The following DIAPH3 variants were observed in gnomAD, a reference collection of about 807,000 sequenced individuals.
The protein encoded by DIAPH3 is protein diaphanous homolog 3.
DIAPH3 carries 117 observed loss-of-function variants against 144.3 expected under a neutral mutation model. The observed-to-expected ratio is 0.81, with a 90% CI of 0.70 to 0.95. The LOEUF is 0.95. DIAPH3 is among the 40% of genes least tolerant of loss of function. The probability of loss-of-function intolerance (pLI) is 0.00; values close to 1 mark genes in which losing one functional copy is unlikely to be tolerated. For missense variants in DIAPH3, 1,421 were observed against 1,412.7 expected (o/e 1.01, Z -0.09); for synonymous variants, 519 against 488.9 (o/e 1.06, Z -0.81).
At chr13:59,988,657 T>A (rs2051596882) in intron 12 of DIAPH3, among the ~76,000 whole-genome samples, 1 of 151,940 alleles carries the variant, frequency 6.6e-6, no homozygotes, top group Admixed American at 6.6e-5. Flanking sequence ...AATATGTGAA[T>A]AACTTAATTA....
chr13:60,032,382 A>G (rs1014407868), intron 5 of DIAPH3, among the ~76,000 whole-genome samples: 17 of 152,272 alleles, frequency 1.1e-4, no homozygotes, highest in African/African-American at 3.6e-4. Context: ...GCCAGCCCCT[A>G]CAGCAGTGTT....
intron 7 of DIAPH3, among the ~76,000 whole-genome samples, chr13:60,012,355 G>T (rs993012877): frequency 1.3e-5 from 2 of 152,132 alleles, no homozygotes; most frequent in Non-Finnish European, 2.9e-5. Context: ...TAGTAATAGG[G>T]AAAAGTTTAC....
At chr13:59,817,862 C>A (rs1181927171) in intron 24 of DIAPH3, among the ~76,000 whole-genome samples, 1 of 151,862 alleles carries the variant, frequency 6.6e-6, no homozygotes, top group African/African-American at 2.4e-5. Flanking sequence ...CTGTATCTCC[C>A]TTTCTCCCTT....
In DIAPH3 at chr13:59,839,107, T is replaced by C. The variant is rs993360916; in HGVS notation, c.2862+217A>G. 7 of 435,096 alleles carry C rather than the reference T, an allele frequency of 1.6e-5. No homozygotes were observed. The Admixed American group carries it at 2.5e-4, about 15-fold the overall frequency. 27.0% of individuals were successfully genotyped at this position (435,096 alleles called of 1,614,324 possible). A position where few individuals can be genotyped will look rare whatever the true frequency, so the allele number is the denominator to read the frequency against. On this transcript the variant is annotated intron_variant, in intron 23 of 27. Transcript: ENST00000400324. ...GCCTGGGTTTCAAAAAATAAATAAA[T>C]AAATAAATAAACAAACAGACAGACA...
rs2047495968 is a variant in DIAPH3 at position 59,921,186 on chromosome 13, A to C, written c.2170+3589T>G. ...ACATTGCACCTGGAGGAATTAGAAAAACAAGACAAACTCAACCCAAAATTA... is the reference window on the plus strand; with the variant it reads ...ACATTGCACCTGGAGGAATTAGAAACACAAGACAAACTCAACCCAAAATTA... On this transcript the variant is annotated intron_variant, in intron 18 of 27. Transcript: ENST00000400324. Among the ~76,000 whole-genome samples the C allele has an allele frequency of 2.6e-5, 4 of 151,396 alleles. No individual in the cohort carries two copies. In the South Asian group the frequency reaches 8.3e-4, roughly 31 times the overall value.
chr13:59,773,346 T>A (rs986706963), intron 27 of DIAPH3, among the ~76,000 whole-genome samples: 3 of 152,140 alleles, frequency 2.0e-5, no homozygotes, highest in Non-Finnish European at 4.4e-5. Flanking sequence ...TGGCACAGGT[T>A]TTTCTCTCAG....
At chr13:59,703,983 A>C (rs1456940578) in intron 27 of DIAPH3, among the ~76,000 whole-genome samples, 1 of 152,206 alleles carries the variant, frequency 6.6e-6, no homozygotes, top group Non-Finnish European at 1.5e-5. Flanking sequence ...GCTAAGTTGC[A>C]GTTTTAGCAA....
At chr13:59,754,584 T>C (rs914071493) in intron 27 of DIAPH3, among the ~76,000 whole-genome samples, 1 of 152,148 alleles carries the variant, frequency 6.6e-6, no homozygotes, top group African/African-American at 2.4e-5. Context: ...AAAGCACCCT[T>C]TCCAATTACA....
intron 22 of DIAPH3, among the ~76,000 whole-genome samples, chr13:59,852,630 T>C (rs533083878): frequency 2.0e-5 from 3 of 152,320 alleles, no homozygotes; most frequent in Middle Eastern, 3.4e-3. Context: ...AAAAATGCAT[T>C]GAGCTGTACA....
At chr13:59,860,789 T>C (rs2043531790) in intron 22 of DIAPH3, among the ~76,000 whole-genome samples, 1 of 151,954 alleles carries the variant, frequency 6.6e-6, no homozygotes. Context: ...ATTAAGGTAG[T>C]CAAAAAATTA....
rs2050324107 is a variant in DIAPH3, at chr13:59,970,861, A to G, written c.1950T>C (p.Asn650=). Residue 650 remains asparagine, a synonymous_variant, in exon 16 of 28, where the codon AAT becomes AAC. Transcript: ENST00000400324. ...FKPEISMRRL[N]WLKIRPHEMT... is the part of the protein sequence containing the mutation. ...TATTAATTTCTTTTACCTTTAACCA[A>G]TTCAATCTTCTCATGCTGATTTCAG... 2 of 1,612,518 alleles carry G rather than the reference A, an allele frequency of 1.2e-6. No individual in the cohort carries two copies. Among genetic ancestry groups the G allele is most frequent in the Non-Finnish European group, 1.7e-6 (2 of 1,179,594 alleles).
chr13:59,779,226 C>T (rs896045654), intron 25 of DIAPH3, among the ~76,000 whole-genome samples: 1 of 152,174 alleles, frequency 6.6e-6, no homozygotes, highest in Non-Finnish European at 1.5e-5. Flanking sequence ...AAACAACTTG[C>T]ATTCTAGTCT....
At chr13:60,156,016 G>A (rs1328951354) in intron 1 of DIAPH3, among the ~76,000 whole-genome samples, 1 of 152,146 alleles carries the variant, frequency 6.6e-6, no homozygotes. Context: ...ACCACAAACT[G>A]GCAGCTTAAA....
chr13:59,936,527 A>C (rs1254245325), intron 17 of DIAPH3, among the ~76,000 whole-genome samples: 1 of 152,212 alleles, frequency 6.6e-6, no homozygotes, highest in African/African-American at 2.4e-5. Context: ...ATTAGGGAGA[A>C]AAATAATCCT....
intron 3 of DIAPH3, among the ~76,000 whole-genome samples, chr13:60,098,985 A>G (rs1327722617): frequency 6.6e-6 from 1 of 152,198 alleles, no homozygotes; most frequent in Non-Finnish European, 1.5e-5. Context: ...GAAAAATCTT[A>G]TCAACTGGCT....
At chr13:59,984,135 A>G (rs1019032843) in intron 12 of DIAPH3, among the ~76,000 whole-genome samples, 6 of 151,798 alleles carry the variant, frequency 4.0e-5, no homozygotes, top group Admixed American at 4.0e-4. Context: ...TTTCTTATAA[A>G]AGTCAAAACC....
chr13:59,753,647 T>C (rs1265084028), intron 27 of DIAPH3, among the ~76,000 whole-genome samples: 1 of 152,192 alleles, frequency 6.6e-6, no homozygotes, highest in Non-Finnish European at 1.5e-5. Flanking sequence ...AACAGGTATA[T>C]ACAAAGAAAC....
chr13:60,084,341 G>GT (rs1487105113), intron 4 of DIAPH3, among the ~76,000 whole-genome samples: 1 of 151,800 alleles, frequency 6.6e-6, no homozygotes, highest in African/African-American at 2.4e-5. Flanking sequence ...TCGACAAACG[G>GT]TTTTTTTCTT....
chr13:59,680,035 T>A (rs2032858221), intron 27 of DIAPH3, among the ~76,000 whole-genome samples: 1 of 152,182 alleles, frequency 6.6e-6, no homozygotes, highest in Non-Finnish European at 1.5e-5. Context: ...GTTTATGTCC[T>A]CAAACTGTTG....
Sources: gnomAD v4.1 joint callset for allele counts (sites outside exome capture counted in the v4.1 genomes callset) on GRCh38, gnomAD v4.1.1 for gene constraint, MANE v1.5 for transcripts, NCBI Gene and HGNC (gene_info 2026-07-23, HGNC 2026-07-21) for gene names.